The following PRH1 variants were observed in gnomAD, a reference collection of about 807,000 sequenced individuals.
PRH1 encodes salivary acidic proline-rich phosphoprotein 1/2.
A neutral mutation model predicts 7.9 loss-of-function variants in PRH1; 7 were observed. That is an observed-to-expected ratio of 0.89 (90% CI 0.50 to 1.67). The LOEUF is 1.67. Among genes scored for constraint, PRH1 ranks in the 40% most tolerant of loss-of-function variants. The probability of loss-of-function intolerance (pLI) is 0.00; values close to 1 mark genes in which losing one functional copy is unlikely to be tolerated. For missense variants in PRH1, 109 were observed against 223.6 expected (o/e 0.49, Z 3.27); for synonymous variants, 45 against 80.8 (o/e 0.56, Z 2.38).
chr12:10,985,917 T>C, intron 1 of PRH1: 5 of 1,534,846 alleles, frequency 3.3e-6, no homozygotes, highest in Non-Finnish European at 4.4e-6. Context: ...ACACACAATG[T>C]CCCACTTGTG....
rs1040880999 is a variant in PRH1 at position 11,024,921 on chromosome 12, G to T, written c.-126+22099C>A. On this transcript the variant is annotated intron_variant, in intron 1 of 3. Coordinates refer to the PRH1 transcript ENST00000539853. The stretch of plus-strand genomic sequence containing the variant: ...ATCTCCAGCCTCTTTATTGCTATTT[G>T]CATATATCTTATCAATTATACATTC... Among the ~76,000 whole-genome samples, 8 of 151,940 alleles carry T rather than the reference G, an allele frequency of 5.3e-5. No individual in the cohort carries two copies. In the South Asian group the frequency reaches 8.3e-4, roughly 16 times the overall value.
chr12:11,029,144 G>C (rs1180133108), intron 1 of PRH1, among the ~76,000 whole-genome samples: 5 of 149,008 alleles, frequency 3.4e-5, no homozygotes, highest in South Asian at 2.2e-4. Flanking sequence ...ATCAGGTGGG[G>C]GGATGATTCA....
chr12:11,156,810 T>G (rs1199035704), intron 1 of PRH1, among the ~76,000 whole-genome samples: 1 of 151,924 alleles, frequency 6.6e-6, no homozygotes, highest in Non-Finnish European at 1.5e-5. Flanking sequence ...ATAATTCTCT[T>G]CTTTTACCCA....
intron 1 of PRH1, among the ~76,000 whole-genome samples, chr12:11,109,592 G>A (rs1024780265): frequency 6.6e-6 from 1 of 151,982 alleles, no homozygotes; most frequent in African/African-American, 2.4e-5. Context: ...ACTGTTAGAA[G>A]GAAAATCAAC....
At chr12:10,972,560 C>T (rs10845264) in intron 2 of PRH1, among the ~76,000 whole-genome samples, 36,872 of 151,908 alleles carry the variant, frequency 0.24, 4,481 homozygotes, top group Non-Finnish European at 0.25. Flanking sequence ...TGATTTTTCA[C>T]TTGCAAGCAT....
chr12:11,036,629 A>G lies in PRH1; in HGVS notation c.-126+10391T>C, dbSNP rs148052439. On this transcript the variant is annotated intron_variant, in intron 1 of 3. Transcript: ENST00000539853. ...AAGGAGGATTCATTGAAGGTCATCC[A>G]TAAATAATTATTTGCATAAGCAATG... Among the ~76,000 whole-genome samples, 596 of 152,368 alleles carry G rather than the reference A, an allele frequency of 3.9e-3. 1 individual carries two copies. The highest frequency in any genetic ancestry group is 0.014 in the African/African-American group (566 of 41,584).
At chr12:10,930,233 A>T in intron 2 of PRH1, 1 of 1,606,404 alleles carries the variant, frequency 6.2e-7, no homozygotes, top group Non-Finnish European at 8.5e-7. Flanking sequence ...TGATTCATGC[A>T]GTAACTTTTC....
chr12:11,071,666 G>A (rs1406689049), intron 1 of PRH1, among the ~76,000 whole-genome samples: 1 of 152,144 alleles, frequency 6.6e-6, no homozygotes, highest in Non-Finnish European at 1.5e-5. Context: ...CTAAATAAAT[G>A]CCAAGAAGGC....
At chr12:10,892,207 A>C (rs528500641) in intron 2 of PRH1, among the ~76,000 whole-genome samples, 1 of 152,174 alleles carries the variant, frequency 6.6e-6, no homozygotes, top group Non-Finnish European at 1.5e-5. Context: ...TGCTCACAAG[A>C]TAAGAGCTAG....
intron 1 of PRH1, chr12:11,134,124 T>A (rs746632279): frequency 8.1e-6 from 13 of 1,613,994 alleles, no homozygotes; most frequent in Non-Finnish European, 8.5e-6. Context: ...ACAAAGGAGA[T>A]CTTTTGTCTC....
chr12:11,078,891 G>C (rs1327539441), intron 1 of PRH1: 2 of 152,052 alleles, frequency 1.3e-5, no homozygotes, highest in East Asian at 3.9e-4. Context: ...TGACATCATT[G>C]TTAATAAGCT....
intron 2 of PRH1, among the ~76,000 whole-genome samples, chr12:10,922,870 G>A (rs1235123693): frequency 5.4e-5 from 6 of 111,510 alleles, no homozygotes; most frequent in Non-Finnish European, 8.8e-5. Context: ...CGCCCAGGCC[G>A]GACTGCGGAC....
At chr12:10,986,301 G>A (rs1051027769) in intron 1 of PRH1, 21 of 1,613,978 alleles carry the variant, frequency 1.3e-5, no homozygotes, top group Non-Finnish European at 1.8e-5. Flanking sequence ...CAGAGTAAAG[G>A]GTATGAAGCT....
At chr12:10,887,859 T>C (rs1008951641), upstream of PRH1, among the ~76,000 whole-genome samples, 3 of 152,234 alleles carry the variant, frequency 2.0e-5, no homozygotes, top group Non-Finnish European at 2.9e-5. Flanking sequence ...TTAGAAAATA[T>C]AGCAAATTGT....
intron 1 of PRH1, among the ~76,000 whole-genome samples, chr12:11,057,539 T>C (rs1309010519): frequency 2.6e-5 from 4 of 152,184 alleles, no homozygotes; most frequent in African/African-American, 9.7e-5. Flanking sequence ...GTATAAAATA[T>C]AATAACCGCA....
At chr12:10,949,563 T>C (rs1415698829) in intron 2 of PRH1, among the ~76,000 whole-genome samples, 1 of 152,236 alleles carries the variant, frequency 6.6e-6, no homozygotes. Context: ...GCACTATGCT[T>C]CTTTGTTAAG....
At chr12:11,039,902 T>C (rs890795723) in intron 1 of PRH1, among the ~76,000 whole-genome samples, 11 of 90,640 alleles carry the variant, frequency 1.2e-4, no homozygotes, top group African/African-American at 3.2e-4. Flanking sequence ...AATGGAAAAT[T>C]AATTACAGGG....
intron 1 of PRH1, among the ~76,000 whole-genome samples, chr12:11,075,906 T>TC (rs1944271888): frequency 8.2e-6 from 1 of 122,068 alleles, no homozygotes; most frequent in Non-Finnish European, 1.9e-5. Context: ...CGTATCATTT[T>TC]TGACCAACTA....
At chr12:10,992,430 T>A (rs1939979956) in intron 1 of PRH1, among the ~76,000 whole-genome samples, 1 of 151,832 alleles carries the variant, frequency 6.6e-6, no homozygotes, top group Non-Finnish European at 1.5e-5. Context: ...AGAGACAGAG[T>A]CTTGTTTGGT....
Sources: gnomAD v4.1 joint callset for allele counts (sites outside exome capture counted in the v4.1 genomes callset) on GRCh38, gnomAD v4.1.1 for gene constraint, MANE v1.5 for transcripts, NCBI Gene and HGNC (gene_info 2026-07-23, HGNC 2026-07-21) for gene names.